The following HERC1 variants were observed in gnomAD, a reference collection of about 807,000 sequenced individuals.
HERC1 encodes the protein probable E3 ubiquitin-protein ligase HERC1.
Under a neutral mutation model 554.3 loss-of-function variants are expected in HERC1, and 160 were observed. The observed-to-expected ratio is 0.29, with a 90% CI of 0.25 to 0.33. The LOEUF is 0.33. Ranked by LOEUF, HERC1 falls within the 10% of genes least tolerant of loss-of-function variation. The pLI is 1.00. For missense variants in HERC1, 4,919 were observed against 5,918.5 expected (o/e 0.83, Z 5.54); for synonymous variants, 2,175 against 2,131.7 (o/e 1.02, Z -0.56).
At chr15:63,616,308 G>C (rs939118698) in intron 75 of HERC1, 122 bp downstream of exon 75, 11 of 1,026,366 alleles carry the variant, frequency 1.1e-5, no homozygotes, top group Admixed American at 6.8e-5. Flanking sequence ...CAATGGCATA[G>C]ATATGGCATT....
rs766551619 is a variant in HERC1, at chr15:63,718,557, T to C, written c.3978+17A>G. The C allele has an allele frequency of 3.0e-5, 46 of 1,533,594 alleles. No individual in the cohort carries two copies. The highest frequency in any genetic ancestry group is 8.6e-5 in the South Asian group (7 of 81,446). The allele number at this position is 1,533,594 out of a possible 1,614,324, so 95.0% of individuals were successfully genotyped here. On this transcript the variant is annotated intron_variant, in intron 21 of 77. Transcript: ENST00000443617. The surrounding 1 kb of genome is among the most constrained non-coding windows in gnomAD (Gnocchi z 4.2). ...GCTTGCAGAAAAACATAGAAATTAA[T>C]TGATTTCAAACTTTACCCATCTGTC...
intron 14 of HERC1, 24 bp downstream of exon 14, chr15:63,732,900 T>A (rs765169087): frequency 2.1e-6 from 3 of 1,454,014 alleles, no homozygotes. Flanking sequence ...ATTCTTTTTT[T>A]ACTACAATGA....
chr15:63,807,139 T>C (rs2077163372), intron 1 of HERC1, among the ~76,000 whole-genome samples: 1 of 152,142 alleles, frequency 6.6e-6, no homozygotes, highest in South Asian at 2.1e-4. Flanking sequence ...AAATTTGCAA[T>C]AATTTAAAAT....
In HERC1 at chr15:63,680,148, C is replaced by G; in HGVS notation, c.6478G>C (p.Ala2160Pro). 3.1e-6 allele frequency: 5 copies of G among 1,612,994 alleles called. No individual in the cohort carries two copies. The highest frequency in any genetic ancestry group is 4.2e-6 in the Non-Finnish European group (5 of 1,179,348). Residue 2160 changes from alanine to proline, a missense_variant, in exon 36 of 78, where the codon GCT becomes CCT. This residue lies in a region of HERC1 where 85 missense variants were observed against 163.2 expected (regional missense o/e 0.52). Coordinates refer to ENST00000443617, the MANE Select transcript of HERC1 (RefSeq NM_003922.4). The surrounding 1 kb of genome is among the most constrained non-coding windows in gnomAD (Gnocchi z 5.8). ...TCTGCTGCATCCACATCTTCAAAAG[C>G]TAATTTGGGTTCCTACAGTGTGGCA... is the stretch of plus-strand genomic sequence containing the variant. ...FGKNGEEPKL[A>P]FEDVDAAELY...
intron 3 of HERC1, among the ~76,000 whole-genome samples, chr15:63,760,899 T>C (rs538054277): frequency 6.6e-6 from 1 of 152,072 alleles, no homozygotes; most frequent in African/African-American, 2.4e-5. Context: ...TACTGATCTT[T>C]AAAGAGAAAA....
At chr15:63,618,818 A>C (rs1352416875) in intron 74 of HERC1, among the ~76,000 whole-genome samples, 1 of 152,192 alleles carries the variant, frequency 6.6e-6, no homozygotes, top group Non-Finnish European at 1.5e-5. Context: ...GTGTATAAGA[A>C]TGTTTGTGAT....
chr15:63,735,498 A>G (rs1399765713), intron 12 of HERC1, among the ~76,000 whole-genome samples: 2 of 151,966 alleles, frequency 1.3e-5, no homozygotes, highest in Admixed American at 1.3e-4. Flanking sequence ...TACATATGTA[A>G]CTAACGTGCA....
chr15:63,624,009 C>T, intron 72 of HERC1, 119 bp from the exon 73 acceptor site: 1 of 1,252,246 alleles, frequency 8.0e-7, no homozygotes, highest in Non-Finnish European at 1.1e-6. Context: ...CTGTGCTAGG[C>T]CCACTGTAAC....
chr15:63,797,951 G>T (rs2076861781), intron 1 of HERC1, among the ~76,000 whole-genome samples: 1 of 152,214 alleles, frequency 6.6e-6, no homozygotes, highest in South Asian at 2.1e-4. Context: ...CTGAAGTCCA[G>T]TGCTATTTTC....
intron 77 of HERC1, among the ~76,000 whole-genome samples, chr15:63,611,006 G>C (rs2152702714): frequency 6.6e-6 from 1 of 152,300 alleles, no homozygotes. Flanking sequence ...GGCACTCCTG[G>C]AAAGCATCTA....
chr15:63,721,266 G>A (rs1285141698), intron 19 of HERC1, among the ~76,000 whole-genome samples: 1 of 152,212 alleles, frequency 6.6e-6, no homozygotes, highest in Non-Finnish European at 1.5e-5. Flanking sequence ...GCTCACACCT[G>A]TAATCCCAGC....
At chr15:63,716,754 T>C (rs1368190763) in intron 21 of HERC1, among the ~76,000 whole-genome samples, 2 of 152,204 alleles carry the variant, frequency 1.3e-5, no homozygotes, top group Admixed American at 6.5e-5. Context: ...CAGCTATAAA[T>C]TCCTACAGAG....
At position 63,660,885 on chromosome 15, in the gene HERC1, A is replaced by G. The variant is rs2070320254; in HGVS notation, c.9223+88T>C. On this transcript the variant is annotated intron_variant, in intron 46 of 77. Coordinates refer to ENST00000443617, the MANE Select transcript of HERC1 (RefSeq NM_003922.4). ...TGTACACAAATACAAACACACACAC[A>G]CACGAAGGTGAATTTTAGTAACAGA... 5 of 823,210 alleles carry G rather than the reference A, an allele frequency of 6.1e-6. No individual in the cohort carries two copies. In the African/African-American group the frequency reaches 6.8e-5, roughly 11 times the overall value. 51.0% of individuals were successfully genotyped at this position (823,210 alleles called of 1,614,324 possible).
At chr15:63,793,491 C>G (rs945198785) in intron 1 of HERC1, among the ~76,000 whole-genome samples, 1 of 152,080 alleles carries the variant, frequency 6.6e-6, no homozygotes, top group Admixed American at 6.5e-5. Flanking sequence ...GGGGGAGGAA[C>G]CCTCAGTTTC....
chr15:63,786,264 T>A (rs1260400777), intron 1 of HERC1, among the ~76,000 whole-genome samples: 1 of 131,560 alleles, frequency 7.6e-6, no homozygotes, highest in African/African-American at 2.9e-5. Flanking sequence ...CACAGCAAGA[T>A]CATGTTTCTA....
rs1349418798 is a variant in HERC1, at chr15:63,630,591, G to A, written c.12841C>T (p.Arg4281Ter). 1.2e-6 allele frequency: 2 copies of A among 1,613,580 alleles called. No homozygotes were observed. Among genetic ancestry groups the A allele is most frequent in the African/African-American group, 1.3e-5 (1 of 74,910 alleles). Reference sequence around the variant, plus strand: ...GCCAGGACAGGGATTTGTTGCGGTCGATTGTGATTGCGAGCACGCCCCTCT... The same window carrying A: ...GCCAGGACAGGGATTTGTTGCGGTCAATTGTGATTGCGAGCACGCCCCTCT... Reference protein sequence around the residue: ...LPEGRARNHNRPQQIPVLAGV... With the variant: ...LPEGRARNHN The change falls in exon 69 of 78, where the codon CGA becomes TGA. Residue 4281 changes from arginine to a stop codon, truncating the protein, a stop_gained. Coordinates refer to ENST00000443617, the MANE Select transcript of HERC1 (RefSeq NM_003922.4). LOFTEE classifies it high-confidence loss of function.
At chr15:63,691,339 G>A (rs749555841) in intron 31 of HERC1, among the ~76,000 whole-genome samples, 2 of 151,838 alleles carry the variant, frequency 1.3e-5, no homozygotes, top group African/African-American at 2.4e-5. Flanking sequence ...GGTGGTGCAC[G>A]CCTGTGATCC....
chr15:63,764,670 CCAGTGTTA>C (rs2075716030), intron 2 of HERC1, among the ~76,000 whole-genome samples: 1 of 152,124 alleles, frequency 6.6e-6, no homozygotes, highest in Non-Finnish European at 1.5e-5. Context: ...AACCAAGGTC[CCAGTGTTA>C]CAGTGTTACA....
chr15:63,745,054 C>G (rs1204339191), intron 12 of HERC1, among the ~76,000 whole-genome samples: 1 of 152,196 alleles, frequency 6.6e-6, no homozygotes, highest in Non-Finnish European at 1.5e-5. Context: ...CATCTGAGAG[C>G]TGGCATCTGG....
Sources: allele counts gnomAD v4.1 joint callset (sites outside exome capture counted in the v4.1 genomes callset), GRCh38; gene constraint gnomAD v4.1.1; regional missense constraint gnomAD v4.1.1; non-coding constraint Gnocchi (gnomAD v3.1); transcripts MANE v1.5; gene names NCBI Gene and HGNC (gene_info 2026-07-23, HGNC 2026-07-21).